The following HCFC2 variants were observed in gnomAD, a reference collection of about 807,000 sequenced individuals.
The protein encoded by HCFC2 is host cell factor C2.
In HCFC2, 18 loss-of-function variants were observed where a neutral mutation model predicts 89.2. The ratio of observed to expected loss-of-function variants is 0.20; its 90% CI spans 0.14 to 0.30. The LOEUF (loss-of-function observed/expected upper bound fraction) is 0.30, where lower values mean the gene tolerates loss of function less well. HCFC2 is among the 10% of genes least tolerant of loss of function. The probability of loss-of-function intolerance (pLI) is 1.00; values close to 1 mark genes in which losing one functional copy is unlikely to be tolerated. For synonymous variants in HCFC2, 308 were observed against 335.7 expected (o/e 0.92, Z 0.90); for missense variants, 578 against 956.1 (o/e 0.60, Z 5.21).
Position 104,067,980 on chromosome 12 carries a change from C to G in HCFC2, c.346C>G (p.His116Asp), listed in dbSNP as rs759566755. The part of the protein sequence containing the change: ...SRWLWKKVKP[H>D]PPPSGLPPCP... ...TTGGTTATGGAAAAAAGTGAAACCC[C>G]ATCCCCCTCCTTCTGGTTTACCTCC... Residue 116 changes from histidine to aspartate, a missense_variant, in exon 3 of 15, where the codon CAT becomes GAT. Transcript: ENST00000229330. 3 of 1,602,466 alleles carry G rather than the reference C, an allele frequency of 1.9e-6. No homozygotes were observed.
rs1262186615 is a variant in HCFC2, at chr12:104,064,607, C to T, written c.47C>T (p.Thr16Met). Residue 16 changes from threonine to methionine, a missense_variant, in exon 1 of 15, where the codon ACG (threonine) becomes ATG (methionine). Physicochemically the swap from Thr to Met is moderately conservative, Grantham distance 81 (BLOSUM62 -1). Coordinates refer to ENST00000229330, the MANE Select transcript of HCFC2 (RefSeq NM_013320.3). The surrounding 1 kb of genome is among the most constrained non-coding windows in gnomAD (Gnocchi z 7.3). ...AACTGGAGGCGAGTTTCTTCCTTCA[C>T]GGGGCCGGTCCCCCGCGCCCGGCAC... Reference protein sequence around the residue: ...LLNWRRVSSFTGPVPRARHGH... With the variant: ...LLNWRRVSSFMGPVPRARHGH... The T allele has an allele frequency of 1.3e-6, 2 of 1,574,884 alleles. No homozygotes were observed. Among genetic ancestry groups the T allele is most frequent in the South Asian group, 1.2e-5 (1 of 86,880 alleles).
chr12:104,083,949 A>G (rs1883757511), intron 7 of HCFC2, among the ~76,000 whole-genome samples: 1 of 152,154 alleles, frequency 6.6e-6, no homozygotes, highest in Non-Finnish European at 1.5e-5. Flanking sequence ...ACTTGAGCCC[A>G]GGAGTCTGAG....
At chr12:104,074,072 A>G (rs1883422574) in intron 3 of HCFC2, among the ~76,000 whole-genome samples, 1 of 152,068 alleles carries the variant, frequency 6.6e-6, no homozygotes. Flanking sequence ...TAATATATTT[A>G]CCTTTCTATC....
chr12:104,086,860 A>G lies in HCFC2; in HGVS notation c.1077A>G (p.Ala359=). The change falls in exon 8 of 15, where the codon GCA becomes GCG. Residue 359 remains alanine, a synonymous_variant. Transcript: ENST00000229330. ...ATTGTTCTATAGAGAAACCACCGGC[A>G]CCATCTCAAGTACAGCTGATCAAAG... ...LWYLDTEKPP[A]PSQVQLIKAT... 2 of 1,613,752 alleles carry G rather than the reference A, an allele frequency of 1.2e-6. No homozygotes were observed.
intron 12 of HCFC2, 101 bp downstream of exon 12, chr12:104,096,534 C>T: frequency 1.4e-6 from 1 of 707,024 alleles, no homozygotes; most frequent in South Asian, 2.1e-5. Flanking sequence ...TCTCAGGTCT[C>T]AGTAATGAAC....
chr12:104,090,569 C>T (rs916241728), intron 9 of HCFC2, among the ~76,000 whole-genome samples: 1 of 151,910 alleles, frequency 6.6e-6, no homozygotes, highest in Non-Finnish European at 1.5e-5. Flanking sequence ...CCAATTTTTA[C>T]ATTTTAAATA....
rs553488408 is a variant in HCFC2 at position 104,086,581 on chromosome 12, G to A, written c.1064-266G>A. Reference sequence around the variant, plus strand: ...AAGACTCATATAGTTTGGTAGTTTCGTACTGGATTGTTTTGTTTATAGATA... The same window carrying A: ...AAGACTCATATAGTTTGGTAGTTTCATACTGGATTGTTTTGTTTATAGATA... On this transcript the variant is annotated intron_variant, in intron 7 of 14. Coordinates refer to ENST00000229330, the MANE Select transcript of HCFC2 (RefSeq NM_013320.3). 3.1e-4 allele frequency among the ~76,000 whole-genome samples: 46 copies of A among 150,434 alleles called. 2 individuals are homozygous for A. The South Asian group carries it at 5.9e-3, about 19-fold the overall frequency.
chr12:104,065,418 A>T (rs1883068163), intron 1 of HCFC2, among the ~76,000 whole-genome samples: 1 of 152,250 alleles, frequency 6.6e-6, no homozygotes, highest in Non-Finnish European at 1.5e-5. Flanking sequence ...TCTGTGGAAT[A>T]GAAAGGAAAC....
chr12:104,092,378 A>T (rs1237845689), intron 9 of HCFC2, among the ~76,000 whole-genome samples: 1 of 152,122 alleles, frequency 6.6e-6, no homozygotes, highest in Non-Finnish European at 1.5e-5. Flanking sequence ...AGGCAGGAGG[A>T]TTGCTTGGCA....
chr12:104,066,079 C>T (rs1260428137), intron 1 of HCFC2, 88 bp from the exon 2 acceptor site: 17 of 1,281,314 alleles, frequency 1.3e-5, no homozygotes, highest in East Asian at 2.4e-5. Context: ...CCAGTTGAGA[C>T]CCACTGATAT....
In HCFC2 at chr12:104,079,598, T is replaced by C. The variant is rs1207436245; in HGVS notation, c.627T>C (p.Tyr209=). 1 of 1,614,042 alleles carries C rather than the reference T, an allele frequency of 6.2e-7. No homozygotes were observed. Among genetic ancestry groups the C allele is most frequent in the Non-Finnish European group, 8.5e-7 (1 of 1,180,012 alleles). ...AAGATTCTGGAAGTCCTAAAATGTA[T>C]GTTTTTGGTGGAATGTGTGGTGCTC... ...CKKDSGSPKM[Y]VFGGMCGARL... The change falls in exon 4 of 15, where the codon TAT becomes TAC. Residue 209 remains tyrosine (Y), a synonymous_variant. Coordinates refer to ENST00000229330, the MANE Select transcript of HCFC2 (RefSeq NM_013320.3).
intron 4 of HCFC2, 135 bp downstream of exon 4, chr12:104,079,788 G>A (rs1359404044): frequency 4.5e-6 from 3 of 667,904 alleles, no homozygotes; most frequent in South Asian, 1.8e-5. Context: ...CAGTGTATGT[G>A]TGATATGAAT....
Position 104,068,199 on chromosome 12 carries a change from G to T in HCFC2, c.473+92G>T. ...ATCTTTAATTTTTAAAAGGGATGAT[G>T]CTTAGCTTTTTGCATTTCAACCTAA... On this transcript the variant is annotated intron_variant, in intron 3 of 14. Transcript: ENST00000229330. The surrounding 1 kb of genome is among the most constrained non-coding windows in gnomAD (Gnocchi z 4.1). 8.7e-7 allele frequency: 1 copy of T among 1,143,288 alleles called. No homozygotes were observed. The highest frequency in any genetic ancestry group is 1.2e-6 in the Non-Finnish European group (1 of 832,560). 70.8% of individuals were successfully genotyped at this position (1,143,288 alleles called of 1,614,324 possible). A position where few individuals can be genotyped will look rare whatever the true frequency, so the allele number is the denominator to read the frequency against.
chr12:104,097,061 A>G (rs1006300821), intron 12 of HCFC2, among the ~76,000 whole-genome samples: 2 of 152,210 alleles, frequency 1.3e-5, no homozygotes, highest in African/African-American at 4.8e-5. Flanking sequence ...AAAGTGCCTT[A>G]CAAATATACC....
chr12:104,075,967 G>T (rs1238195033), intron 3 of HCFC2, among the ~76,000 whole-genome samples: 1 of 152,058 alleles, frequency 6.6e-6, no homozygotes. Flanking sequence ...TCTCCAAGTG[G>T]AAAGTTTTGT....
At chr12:104,066,039 C>T (rs1008202153) in intron 1 of HCFC2, 128 bp from the exon 2 acceptor site, 12 of 885,164 alleles carry the variant, frequency 1.4e-5, no homozygotes, top group African/African-American at 6.9e-5. Context: ...CCAGACATTA[C>T]CAAATGTCTT....
intron 3 of HCFC2, among the ~76,000 whole-genome samples, chr12:104,076,420 C>T (rs895352229): frequency 4.4e-5 from 6 of 137,480 alleles, no homozygotes; most frequent in Non-Finnish European, 7.9e-5. Context: ...TTGTGTACAT[C>T]GTTTTGTTGC....
chr12:104,087,558 G>A (rs1183704001), intron 8 of HCFC2, among the ~76,000 whole-genome samples: 1 of 150,000 alleles, frequency 6.7e-6, no homozygotes, highest in East Asian at 2.0e-4. Flanking sequence ...TATGACATTA[G>A]GTCCATGCCT....
intron 9 of HCFC2, among the ~76,000 whole-genome samples, chr12:104,090,497 CT>C (rs144168216): frequency 5.4e-5 from 8 of 148,140 alleles, no homozygotes; most frequent in African/African-American, 7.4e-5. Context: ...AATTTCTTTT[CT>C]TTTTTTTTTA....
Sources: gnomAD v4.1 joint callset for allele counts (sites outside exome capture counted in the v4.1 genomes callset) on GRCh38, gnomAD v4.1.1 for gene constraint, Gnocchi (gnomAD v3.1) non-coding constraint, MANE v1.5 for transcripts, NCBI Gene and HGNC (gene_info 2026-07-23, HGNC 2026-07-21) for gene names.